C14orf39: variants seen among roughly 807,000 people sequenced by gnomAD.
C14orf39 encodes the protein protein SIX6OS1.
Under a neutral mutation model 85.6 loss-of-function variants are expected in C14orf39, and 66 were observed. That is an observed-to-expected ratio of 0.77 (90% confidence interval 0.63 to 0.95). The LOEUF (loss-of-function observed/expected upper bound fraction) is 0.95. Ranked by LOEUF, C14orf39 falls within the 40% of genes least tolerant of loss-of-function variation. The probability of loss-of-function intolerance (pLI) is 0.00; values close to 1 mark genes in which losing one functional copy is unlikely to be tolerated. For synonymous variants in C14orf39, 242 were observed against 214.0 expected (o/e 1.13, Z -1.14); for missense variants, 735 against 663.9 (o/e 1.11, Z -1.18).
intron 1 of C14orf39, among the ~76,000 whole-genome samples, chr14:60,485,366 T>C (rs911646662): frequency 2.6e-5 from 4 of 152,192 alleles, no homozygotes; most frequent in African/African-American, 9.6e-5. Context: ...TGCGTGGGAT[T>C]GCAACAAGCA....
chr14:60,447,290 T>G (rs1188488039), intron 16 of C14orf39, among the ~76,000 whole-genome samples: 4 of 152,242 alleles, frequency 2.6e-5, no homozygotes, highest in Non-Finnish European at 5.9e-5. Context: ...TGATTGTATA[T>G]TTAGAAAAGC....
At chr14:60,453,172 T>C (rs150559404) in intron 16 of C14orf39, among the ~76,000 whole-genome samples, 9 of 152,230 alleles carry the variant, frequency 5.9e-5, no homozygotes, top group East Asian at 1.9e-4. Context: ...ACCTCCAATA[T>C]GTTTGAATTT....
intron 16 of C14orf39, among the ~76,000 whole-genome samples, chr14:60,447,490 T>C (rs1242049484): frequency 6.6e-6 from 1 of 152,116 alleles, no homozygotes; most frequent in Non-Finnish European, 1.5e-5. Flanking sequence ...TTACAAGGCA[T>C]GTGAAGGACC....
upstream of C14orf39, among the ~76,000 whole-genome samples, chr14:60,486,395 C>G (rs1042461474): frequency 6.6e-6 from 1 of 152,184 alleles, no homozygotes; most frequent in Non-Finnish European, 1.5e-5. Context: ...TTGATATTAA[C>G]TTTTAACAAG....
chr14:60,443,178 T>C (rs1256348220), intron 16 of C14orf39, among the ~76,000 whole-genome samples: 2 of 152,068 alleles, frequency 1.3e-5, no homozygotes, highest in Non-Finnish European at 1.5e-5. Flanking sequence ...GGTTGGACAG[T>C]GGGTGCAGCC....
intron 5 of C14orf39, among the ~76,000 whole-genome samples, chr14:60,472,894 A>G (rs1892170111): frequency 6.6e-6 from 1 of 152,136 alleles, no homozygotes; most frequent in African/African-American, 2.4e-5. Flanking sequence ...TAGCAGCATG[A>G]TTTATAATCC....
At chr14:60,513,314 T>C (rs1441888187) in intron 1 of C14orf39, among the ~76,000 whole-genome samples, 1 of 152,168 alleles carries the variant, frequency 6.6e-6, no homozygotes, top group Non-Finnish European at 1.5e-5. Context: ...CAGTACTTAA[T>C]TTTGTTTCCT....
chr14:60,504,643 C>G (rs534196542), intron 1 of C14orf39, among the ~76,000 whole-genome samples: 5 of 152,264 alleles, frequency 3.3e-5, no homozygotes, highest in Admixed American at 2.0e-4. Context: ...TAGCACTAAT[C>G]CTTCAGACAA....
rs183232970 is a variant in C14orf39, at chr14:60,437,126, G to A, written c.1562-79C>T. 8 of 890,502 alleles carry A rather than the reference G, an allele frequency of 9.0e-6. No individual in the cohort carries two copies. In the East Asian group the frequency reaches 1.5e-4, roughly 17 times the overall value. The allele number at this position is 890,502 out of a possible 1,614,324, so 55.2% of individuals were successfully genotyped here. On this transcript the variant is annotated intron_variant, in intron 17 of 17. Transcript: ENST00000321731. Reference sequence around the variant, plus strand: ...ATAACCTACTGAATTATAGCATACTGCATACAATAAATATGGTAACACTGA... The same window carrying A: ...ATAACCTACTGAATTATAGCATACTACATACAATAAATATGGTAACACTGA...
chr14:60,484,458 C>T lies in C14orf39; in HGVS notation c.106+423G>A, dbSNP rs1386822903. On this transcript the variant is annotated intron_variant, in intron 3 of 17. Transcript: ENST00000321731. The surrounding 1 kb of genome is among the most constrained non-coding windows in gnomAD (Gnocchi z 4.2). ...TACTATACAGTATTTGTGTGATTTG[C>T]CTTGCTATTTCTCTGATAACATTAT... 3.3e-5 allele frequency among the ~76,000 whole-genome samples: 5 copies of T among 151,862 alleles called. No individual in the cohort carries two copies. The highest frequency in any genetic ancestry group is 4.8e-5 in the African/African-American group (2 of 41,304).
intron 7 of C14orf39, among the ~76,000 whole-genome samples, chr14:60,469,988 T>TA (rs1891999582): frequency 7.0e-6 from 1 of 142,572 alleles, no homozygotes; most frequent in African/African-American, 2.5e-5. Flanking sequence ...TTGGCATAAC[T>TA]AATAAAACAT....
At chr14:60,452,332 C>T (rs1212500947) in intron 16 of C14orf39, among the ~76,000 whole-genome samples, 2 of 152,118 alleles carry the variant, frequency 1.3e-5, no homozygotes, top group East Asian at 3.9e-4. Flanking sequence ...GAATGAGATC[C>T]TGTCATTTGC....
rs1891203925 is a variant in C14orf39, at chr14:60,455,047, T to C, written c.1457A>G (p.Asn486Ser). ...MSYTSRSPGL[N>S]LFDSSVFDTE... ...ATCAAATACAGAAGAATCAAATAAA[T>C]TCAATCCAGGTGATCTAGAAGTATA... is the stretch of plus-strand genomic sequence containing the variant. Residue 486 changes from asparagine (N) to serine (S), a missense_variant, in exon 16 of 18, where the codon AAT becomes AGT. By Grantham distance (46) the Asn-to-Ser change is conservative (BLOSUM62 1). Transcript: ENST00000321731. The C allele has an allele frequency of 2.5e-6, 4 of 1,576,364 alleles. No homozygotes were observed. Among genetic ancestry groups the C allele is most frequent in the Admixed American group, 1.9e-5 (1 of 51,480 alleles).
chr14:60,494,681 G>A (rs938404966), intron 2 of C14orf39: 1 of 152,230 alleles, frequency 6.6e-6, no homozygotes, highest in African/African-American at 2.4e-5. Flanking sequence ...TGCCTGGAAG[G>A]CCATGGTTTC....
chr14:60,485,463 GCGTGTGTA>G (rs1380291477), intron 1 of C14orf39, among the ~76,000 whole-genome samples: 2 of 152,214 alleles, frequency 1.3e-5, no homozygotes, highest in Non-Finnish European at 2.9e-5. Flanking sequence ...TCCCTTGGTG[GCGTGTGTA>G]CAACCACGTG....
intron 4 of C14orf39, among the ~76,000 whole-genome samples, 186 bp from the exon 5 acceptor site, chr14:60,478,575 A>T (rs1325212889): frequency 6.6e-6 from 1 of 152,160 alleles, no homozygotes; most frequent in Non-Finnish European, 1.5e-5. Flanking sequence ...AAGGACTATT[A>T]TGCTCGAATA....
At chr14:60,504,307 G>A (rs144928862) in intron 1 of C14orf39, among the ~76,000 whole-genome samples, 202 of 152,272 alleles carry the variant, frequency 1.3e-3, no homozygotes, top group Non-Finnish European at 2.2e-3. Context: ...ATAGTACTTA[G>A]AAGGAAATTA....
intron 9 of C14orf39, 139 bp from the exon 10 acceptor site, chr14:60,467,183 A>G (rs1402693642): frequency 2.8e-6 from 1 of 363,406 alleles, no homozygotes; most frequent in African/African-American, 2.1e-5. Context: ...AGAATTTAAT[A>G]GACTTGCCCA....
chr14:60,439,021 T>G (rs1033918112), intron 17 of C14orf39, among the ~76,000 whole-genome samples: 13 of 152,158 alleles, frequency 8.5e-5, no homozygotes, highest in Non-Finnish European at 1.3e-4. Context: ...TTACAAGAAT[T>G]TATAGTGTAT....
Sources: allele counts gnomAD v4.1 joint callset (sites outside exome capture counted in the v4.1 genomes callset), GRCh38; gene constraint gnomAD v4.1.1; non-coding constraint Gnocchi (gnomAD v3.1); transcripts MANE v1.5; gene names NCBI Gene and HGNC (gene_info 2026-07-23, HGNC 2026-07-21).